HDAC4: variants seen among roughly 807,000 people sequenced by gnomAD.
HDAC4 encodes the protein histone deacetylase A.
A neutral mutation model predicts 135.1 loss-of-function variants in HDAC4; 16 were observed. That is an observed-to-expected ratio of 0.12 (90% CI 0.08 to 0.18). HDAC4 has a LOEUF of 0.18. HDAC4 is among the 10% of genes least tolerant of loss of function. HDAC4 has a pLI of 1.00. For missense variants in HDAC4, 1,143 were observed against 1,511.8 expected (o/e 0.76, Z 4.05); for synonymous variants, 685 against 653.4 (o/e 1.05, Z -0.74).
chr2:239,237,520 C>T (rs747853143), intron 2 of HDAC4, among the ~76,000 whole-genome samples: 6 of 151,658 alleles, frequency 4.0e-5, no homozygotes, highest in Admixed American at 1.3e-4. Flanking sequence ...AGCCATGGAA[C>T]TCTGTAGATA....
intron 24 of HDAC4, among the ~76,000 whole-genome samples, chr2:239,063,324 C>T (rs1487013669): frequency 6.6e-6 from 1 of 152,084 alleles, no homozygotes; most frequent in East Asian, 1.9e-4. Context: ...CCTCAGCCTC[C>T]CGAGTAGCTG....
At chr2:239,368,326 G>C (rs1045861340) in intron 1 of HDAC4, among the ~76,000 whole-genome samples, 1 of 152,162 alleles carries the variant, frequency 6.6e-6, no homozygotes, top group Non-Finnish European at 1.5e-5. Flanking sequence ...TGGCTGTGAG[G>C]AATTCAGGGA....
intron 2 of HDAC4, among the ~76,000 whole-genome samples, chr2:239,251,217 C>CA (rs1273524129): frequency 5.9e-5 from 9 of 152,198 alleles, no homozygotes; most frequent in African/African-American, 2.2e-4. Flanking sequence ...TGTTTTCAAA[C>CA]AAAATTTTAT....
In HDAC4 at chr2:239,352,540, C is replaced by T. The variant is rs1170410365; in HGVS notation, c.22+138G>A. ...TAAACCATCCATTTTGCACTTTGTGCTGTCAAAAACCAACAGTGACCACTA... is the reference window on the plus strand; with the variant it reads ...TAAACCATCCATTTTGCACTTTGTGTTGTCAAAAACCAACAGTGACCACTA... On this transcript the variant is annotated intron_variant, in intron 2 of 26. Transcript: ENST00000543185. The surrounding 1 kb of genome is among the most constrained non-coding windows in gnomAD (Gnocchi z 4.4). 5.1e-6 allele frequency: 4 copies of T among 782,914 alleles called. No homozygotes were observed. The Admixed American group carries it at 6.4e-5, about 13-fold the overall frequency. The allele number at this position is 782,914 out of a possible 1,614,324, so 48.5% of individuals were successfully genotyped here. A position where few individuals can be genotyped will look rare whatever the true frequency, so the allele number is the denominator to read the frequency against.
chr2:239,076,903 CTCT>C (rs1218169938), intron 22 of HDAC4, among the ~76,000 whole-genome samples: 1 of 152,200 alleles, frequency 6.6e-6, no homozygotes, highest in African/African-American at 2.4e-5. Context: ...CTTCAGCCTC[CTCT>C]AAGCCAGCAC....
intron 6 of HDAC4, among the ~76,000 whole-genome samples, chr2:239,159,850 C>T (rs890646668): frequency 2.0e-5 from 3 of 152,258 alleles, no homozygotes; most frequent in African/African-American, 7.2e-5. Flanking sequence ...GACACAGACG[C>T]TGGGCCAGGA....
chr2:239,236,554 G>A lies in HDAC4; in HGVS notation c.94+39C>T, dbSNP rs147342691. ...CGTCTGAACACCTCTTTGGCTCAGC[G>A]CAGGGCCGGCCGGACAGGGCAGGGG... On this transcript the variant is annotated intron_variant, in intron 3 of 26. Coordinates refer to ENST00000543185, the MANE Select transcript of HDAC4 (RefSeq NM_001378414.1). The A allele has an allele frequency of 3.1e-4, 462 of 1,508,336 alleles. 1 individual carries two copies. In the African/African-American group the frequency reaches 5.5e-3, roughly 18 times the overall value. The allele number at this position is 1,508,336 out of a possible 1,614,324, so 93.4% of individuals were successfully genotyped here. A position where few individuals can be genotyped will look rare whatever the true frequency, so the allele number is the denominator to read the frequency against.
intron 1 of HDAC4, among the ~76,000 whole-genome samples, chr2:239,361,769 A>G (rs1693885637): frequency 1.3e-5 from 2 of 152,208 alleles, no homozygotes; most frequent in African/African-American, 4.8e-5. Flanking sequence ...GTCTTTGAAC[A>G]ACCCAACGCA....
chr2:239,345,390 A>T (rs886369540), intron 2 of HDAC4, among the ~76,000 whole-genome samples: 1 of 152,012 alleles, frequency 6.6e-6, no homozygotes, highest in African/African-American at 2.4e-5. Context: ...CTCCACAAAA[A>T]ATTTTAAAAA....
chr2:239,380,094 G>C (rs554668359), intron 1 of HDAC4, among the ~76,000 whole-genome samples: 2 of 152,320 alleles, frequency 1.3e-5, no homozygotes, highest in South Asian at 4.1e-4. Context: ...GCGCGGCGTG[G>C]GCCCATGGGT....
intron 4 of HDAC4, among the ~76,000 whole-genome samples, chr2:239,179,793 C>G (rs2044024039): frequency 6.6e-6 from 1 of 152,236 alleles, no homozygotes; most frequent in Non-Finnish European, 1.5e-5. Context: ...TGAGGTGCCA[C>G]AGCCTGAGAG....
chr2:239,368,855 A>G (rs1694403949), intron 1 of HDAC4, among the ~76,000 whole-genome samples: 1 of 151,854 alleles, frequency 6.6e-6, no homozygotes, highest in South Asian at 2.1e-4. Context: ...TTCCTCCCCA[A>G]CTCTACTCAA....
chr2:239,237,717 A>G (rs565912675), intron 2 of HDAC4, among the ~76,000 whole-genome samples: 3 of 152,274 alleles, frequency 2.0e-5, no homozygotes, highest in African/African-American at 7.2e-5. Context: ...TCTTGAAGTT[A>G]GAACTGGGAA....
intron 2 of HDAC4, among the ~76,000 whole-genome samples, chr2:239,294,845 C>A (rs959178496): frequency 6.6e-6 from 1 of 152,126 alleles, no homozygotes; most frequent in Non-Finnish European, 1.5e-5. Flanking sequence ...CAGGACTGTG[C>A]GCTCTCAGGA....
chr2:239,155,833 C>A (rs1166777518), intron 7 of HDAC4, among the ~76,000 whole-genome samples: 7 of 152,216 alleles, frequency 4.6e-5, no homozygotes, highest in Non-Finnish European at 1.0e-4. Context: ...GTAGGATCCA[C>A]TGGCCACATC....
At chr2:239,142,256 C>T (rs1325925037) in intron 8 of HDAC4, among the ~76,000 whole-genome samples, 1 of 152,186 alleles carries the variant, frequency 6.6e-6, no homozygotes, top group African/African-American at 2.4e-5. Flanking sequence ...CTGCCAAGAA[C>T]CGCGACTGCC....
At chr2:239,073,764 C>CG (rs2034446322) in intron 22 of HDAC4, among the ~76,000 whole-genome samples, 1 of 152,258 alleles carries the variant, frequency 6.6e-6, no homozygotes, top group South Asian at 2.1e-4. Context: ...TCGGCACTCC[C>CG]GCCGCAGGGC....
intron 2 of HDAC4, among the ~76,000 whole-genome samples, chr2:239,264,874 C>A (rs2049622069): frequency 6.6e-6 from 1 of 152,196 alleles, no homozygotes; most frequent in African/African-American, 2.4e-5. Flanking sequence ...GACCTGAAGG[C>A]CCCCATATGC....
chr2:239,372,762 C>T (rs935678831), intron 1 of HDAC4, among the ~76,000 whole-genome samples: 2 of 152,216 alleles, frequency 1.3e-5, no homozygotes, highest in Admixed American at 1.3e-4. Flanking sequence ...GAAACCTTTG[C>T]GTGGTTGCTG....
Sources: allele counts gnomAD v4.1 joint callset (sites outside exome capture counted in the v4.1 genomes callset), GRCh38; gene constraint gnomAD v4.1.1; non-coding constraint Gnocchi (gnomAD v3.1); transcripts MANE v1.5; gene names NCBI Gene and HGNC (gene_info 2026-07-23, HGNC 2026-07-21).